The following ABCA13 variants were observed in gnomAD, a reference collection of about 807,000 sequenced individuals.
ABCA13 encodes ATP binding cassette subfamily A member 13.
A neutral mutation model predicts 478.7 loss-of-function variants in ABCA13; 476 were observed. That is an observed-to-expected ratio of 0.99 (90% CI 0.92 to 1.07). The LOEUF (loss-of-function observed/expected upper bound fraction) is 1.07. Ranked by LOEUF, ABCA13 falls within the 50% of genes least tolerant of loss-of-function variation. The pLI is 0.00. For missense variants in ABCA13, 6,060 were observed against 5,910.6 expected (o/e 1.03, Z -0.83); for synonymous variants, 2,252 against 2,158.9 (o/e 1.04, Z -1.20).
rs1748168061 is a variant in ABCA13 at position 48,245,968 on chromosome 7, T to C, written c.1597T>C (p.Cys533Arg). 2 of 1,613,738 alleles carry C rather than the reference T, an allele frequency of 1.2e-6. No individual in the cohort carries two copies. Among genetic ancestry groups the C allele is most frequent in the Non-Finnish European group, 1.7e-6 (2 of 1,179,820 alleles). ...SIWGGLQGLLCYCNSSETSVL... is the reference protein window; with the variant it reads ...SIWGGLQGLLRYCNSSETSVL... ...ATGGGGTGGTCTCCAGGGACTGTTG[T>C]GCTATTGTAACTCCTCTGAGACGAG... Residue 533 changes from cysteine (C) to arginine (R), a missense_variant, in exon 13 of 62, where the codon TGC becomes CGC. Around this residue, in one of 3 missense-constraint regions of ABCA13, gnomAD observed 4,423 missense variants for 4,309.1 expected, o/e 1.03. Transcript: ENST00000435803.
At chr7:48,543,282 T>A (rs1314979389) in intron 55 of ABCA13, among the ~76,000 whole-genome samples, 1 of 151,828 alleles carries the variant, frequency 6.6e-6, no homozygotes, top group East Asian at 1.9e-4. Flanking sequence ...TTAATAGGTA[T>A]AATATGTAAA....
chr7:48,628,889 G>T (rs1429551254), intron 59 of ABCA13, among the ~76,000 whole-genome samples: 2 of 152,150 alleles, frequency 1.3e-5, no homozygotes, highest in South Asian at 4.1e-4. Context: ...TGTAAAAGAC[G>T]AATCAGATGA....
intron 32 of ABCA13, among the ~76,000 whole-genome samples, chr7:48,369,565 T>C (rs568333370): frequency 1.3e-3 from 201 of 152,338 alleles, no homozygotes; most frequent in African/African-American, 4.6e-3. Flanking sequence ...AGTTGATTTT[T>C]GTATAAGGTG....
chr7:48,570,380 A>C (rs1787508999), intron 55 of ABCA13, among the ~76,000 whole-genome samples: 1 of 127,728 alleles, frequency 7.8e-6, no homozygotes, highest in Admixed American at 9.8e-5. Flanking sequence ...GCTGGAGTGC[A>C]GTGGCGCAAT....
rs1474272424 is a variant in ABCA13 at position 48,314,316 on chromosome 7, T to C, written c.9766T>C (p.Phe3256Leu). The C allele has an allele frequency of 6.2e-7, 1 of 1,613,724 alleles. No individual in the cohort carries two copies. The highest frequency in any genetic ancestry group is 1.1e-5 in the South Asian group (1 of 90,960). The change falls in exon 26 of 62, where the codon TTC becomes CTC. Residue 3256 changes from phenylalanine to leucine, a missense_variant. Around this residue, in one of 3 missense-constraint regions of ABCA13, gnomAD observed 4,423 missense variants for 4,309.1 expected, o/e 1.03. Transcript: ENST00000435803. The part of the protein sequence containing the change: ...MKMVCKDQAS[F>L]LSDSNMFINL... The stretch of plus-strand genomic sequence containing the variant: ...GATGGTTTGCAAGGACCAAGCATCA[T>C]TCCTTAGCGATTCTAATATGTTTAT...
At chr7:48,425,761 G>A (rs951133493) in intron 41 of ABCA13, among the ~76,000 whole-genome samples, 35 of 114,088 alleles carry the variant, frequency 3.1e-4, no homozygotes, top group African/African-American at 9.8e-4. Flanking sequence ...TTATTTTTTC[G>A]AGATGGAGTC....
chr7:48,486,975 A>C (rs1829362819), intron 47 of ABCA13, among the ~76,000 whole-genome samples: 1 of 152,176 alleles, frequency 6.6e-6, no homozygotes, highest in Non-Finnish European at 1.5e-5. Flanking sequence ...AAGCATGTGG[A>C]TACAGGGATG....
intron 28 of ABCA13, 83 bp downstream of exon 28, chr7:48,335,618 T>C: frequency 9.8e-7 from 1 of 1,019,356 alleles, no homozygotes; most frequent in Non-Finnish European, 1.5e-6. Context: ...CTGTAGAAGA[T>C]TCTACAGAGT....
intron 1 of ABCA13, among the ~76,000 whole-genome samples, chr7:48,182,638 C>T (rs1394032865): frequency 6.6e-6 from 1 of 151,898 alleles, no homozygotes; most frequent in Non-Finnish European, 1.5e-5. Context: ...CAATAGAAAG[C>T]CAAAAAACAA....
At chr7:48,250,395 T>C (rs1397121722) in intron 15 of ABCA13, among the ~76,000 whole-genome samples, 1 of 152,146 alleles carries the variant, frequency 6.6e-6, no homozygotes, top group Non-Finnish European at 1.5e-5. Context: ...GGTAAGGGAA[T>C]GGGAGGAGGG....
chr7:48,499,988 C>G (rs1830605190), intron 48 of ABCA13, among the ~76,000 whole-genome samples: 1 of 152,146 alleles, frequency 6.6e-6, no homozygotes, highest in Non-Finnish European at 1.5e-5. Flanking sequence ...AATGATTTTC[C>G]TAGTCTCATA....
chr7:48,465,053 T>C (rs17132359), intron 43 of ABCA13, among the ~76,000 whole-genome samples: 28,953 of 151,746 alleles, frequency 0.19, 3,250 homozygotes, highest in African/African-American at 0.31. Context: ...AATCAAACAG[T>C]GGTTCTCCTG....
intron 27 of ABCA13, among the ~76,000 whole-genome samples, chr7:48,328,832 A>G (rs1804733708): frequency 6.6e-6 from 1 of 152,222 alleles, no homozygotes; most frequent in Admixed American, 6.5e-5. Flanking sequence ...TGAGATATCC[A>G]CAAATGAGAT....
At chr7:48,603,256 T>C (rs138090761) in intron 58 of ABCA13, among the ~76,000 whole-genome samples, 6,480 of 152,170 alleles carry the variant, frequency 0.043, 443 homozygotes, top group African/African-American at 0.15. Context: ...GCCAGAACTT[T>C]CAACACTATG....
At chr7:48,576,020 A>G (rs1041965459) in intron 55 of ABCA13, among the ~76,000 whole-genome samples, 4 of 152,226 alleles carry the variant, frequency 2.6e-5, no homozygotes, top group African/African-American at 9.6e-5. Context: ...CCTAAAAAAT[A>G]CAGCATAACC....
At chr7:48,543,524 T>C (rs539591599) in intron 55 of ABCA13, among the ~76,000 whole-genome samples, 1 of 151,572 alleles carries the variant, frequency 6.6e-6, no homozygotes, top group African/African-American at 2.4e-5. Flanking sequence ...CTCGGGAAGC[T>C]GAGGCAGGAG....
In ABCA13 at chr7:48,456,796, G is replaced by T. The variant is rs180674044; in HGVS notation, c.12815+1510G>T. On this transcript the variant is annotated intron_variant, in intron 43 of 61. Coordinates refer to ENST00000435803, the MANE Select transcript of ABCA13 (RefSeq NM_152701.5). The stretch of plus-strand genomic sequence containing the variant: ...AGTCTCTTTTTGGGGGCATATAAAG[G>T]TTTATTTATTTGTTTTTTTTTTCCT... 2.3e-3 allele frequency among the ~76,000 whole-genome samples: 338 copies of T among 147,622 alleles called. 1 individual carries two copies. Among genetic ancestry groups the T allele is most frequent in the Non-Finnish European group, 3.1e-3 (211 of 67,376 alleles).
Position 48,635,418 on chromosome 7 carries a change from G to A in ABCA13, c.14838-7870G>A, listed in dbSNP as rs116693674. 8.6e-3 allele frequency among the ~76,000 whole-genome samples: 1,312 copies of A among 152,206 alleles called. 19 individuals are homozygous for A. Among genetic ancestry groups the A allele is most frequent in the African/African-American group, 0.029 (1,222 of 41,540 alleles). On this transcript the variant is annotated intron_variant, in intron 59 of 61. Transcript: ENST00000435803. ...CACTTTAGGAGCTGAACACTCATGG[G>A]AGAGGGAGGACAGTGACCTCAGATT...
At chr7:48,383,396 C>T (rs746927945) in intron 35 of ABCA13, among the ~76,000 whole-genome samples, 4 of 152,154 alleles carry the variant, frequency 2.6e-5, no homozygotes, top group Non-Finnish European at 5.9e-5. Flanking sequence ...TGCACACACA[C>T]ACGTATGGTG....
Sources: gnomAD v4.1 joint callset for allele counts (sites outside exome capture counted in the v4.1 genomes callset) on GRCh38, gnomAD v4.1.1 for gene constraint, gnomAD v4.1.1 regional missense constraint, MANE v1.5 for transcripts, NCBI Gene and HGNC (gene_info 2026-07-23, HGNC 2026-07-21) for gene names.